BICC1: variants seen among roughly 807,000 people sequenced by gnomAD.
BICC1 encodes the protein protein bicaudal C homolog 1.
In BICC1, 43 loss-of-function variants were observed where a neutral mutation model predicts 111.0. The ratio of observed to expected loss-of-function variants is 0.39; its 90% confidence interval spans 0.30 to 0.50. BICC1 has a LOEUF of 0.50. BICC1 is among the 20% of genes least tolerant of loss of function. BICC1 has a pLI of 0.88. For missense variants in BICC1, 1,091 were observed against 1,203.2 expected (o/e 0.91, Z 1.38); for synonymous variants, 467 against 434.4 (o/e 1.07, Z -0.93).
At chr10:58,801,147 C>T (rs1292781033) in intron 14 of BICC1, 101 bp downstream of exon 14, 1 of 1,037,240 alleles carries the variant, frequency 9.6e-7, no homozygotes, top group Non-Finnish European at 1.3e-6. Flanking sequence ...CATGTTTGAT[C>T]TCATCCATGG....
At chr10:58,760,972 T>C (rs967864502) in intron 3 of BICC1, among the ~76,000 whole-genome samples, 13 of 152,116 alleles carry the variant, frequency 8.5e-5, no homozygotes, top group African/African-American at 3.1e-4. Context: ...TGTTTTCCAT[T>C]GGAAACACCT....
chr10:58,752,241 C>T (rs1842009788), intron 3 of BICC1, among the ~76,000 whole-genome samples: 1 of 152,198 alleles, frequency 6.6e-6, no homozygotes, highest in South Asian at 2.1e-4. Flanking sequence ...GTGGAGTTGA[C>T]CTAAGTATAT....
chr10:58,686,752 C>T (rs1839741887), intron 2 of BICC1, among the ~76,000 whole-genome samples: 1 of 152,136 alleles, frequency 6.6e-6, no homozygotes, highest in African/African-American at 2.4e-5. Context: ...ACTGTTTATT[C>T]TAGTTAGCCA....
Position 58,828,795 on chromosome 10 carries a change from G to A in BICC1, c.2829G>A (p.Ser943=), listed in dbSNP as rs764421544. The change falls in exon 21 of 21, where the codon TCG becomes TCA. Residue 943 remains serine (S), a synonymous_variant. Transcript: ENST00000373886. ...LNKNRRKLFE[S]PNARTSFLEG... ...AAAACCGAAGAAAGCTTTTTGAATC[G>A]CCAAATGCACGCACCTCTTTCCTGG... 53 of 1,613,368 alleles carry A rather than the reference G, an allele frequency of 3.3e-5. 1 individual carries two copies. The South Asian group carries it at 4.3e-4, about 13-fold the overall frequency.
At chr10:58,541,967 TG>T in intron 1 of BICC1, among the ~76,000 whole-genome samples, 1 of 151,826 alleles carries the variant, frequency 6.6e-6, no homozygotes, top group African/African-American at 2.4e-5. Flanking sequence ...CTGGGCAACA[TG>T]GCAAAACCCT....
intron 1 of BICC1, among the ~76,000 whole-genome samples, chr10:58,588,293 G>T (rs560088789): frequency 5.0e-4 from 76 of 152,236 alleles, no homozygotes; most frequent in Non-Finnish European, 9.4e-4. Context: ...ACACATTTGG[G>T]GACAAACACA....
At chr10:58,674,569 G>T (rs1839282276) in intron 2 of BICC1, among the ~76,000 whole-genome samples, 2 of 152,138 alleles carry the variant, frequency 1.3e-5, no homozygotes. Context: ...TTAGATGCAT[G>T]ATTGTACAAA....
intron 10 of BICC1, 65 bp from the exon 11 acceptor site, chr10:58,798,334 G>A (rs527753050): frequency 1.6e-6 from 2 of 1,213,948 alleles, no homozygotes; most frequent in African/African-American, 1.6e-5. Context: ...TGGCAATATT[G>A]GTGCCATCTC....
chr10:58,705,356 G>T (rs1387493234), intron 3 of BICC1, among the ~76,000 whole-genome samples: 1 of 152,140 alleles, frequency 6.6e-6, no homozygotes, highest in Non-Finnish European at 1.5e-5. Context: ...GCCCATCTTG[G>T]CATCTATAGA....
chr10:58,756,841 T>G (rs1163353050), intron 3 of BICC1, among the ~76,000 whole-genome samples: 1 of 152,288 alleles, frequency 6.6e-6, no homozygotes, highest in Non-Finnish European at 1.5e-5. Flanking sequence ...AAGCGATAAC[T>G]TTCTAGTCTC....
rs1050358795 is a variant in BICC1 at position 58,520,714 on chromosome 10, TC to T, written c.190+7386del. ...TTGAAAATTAGCCATTGCTGTTTTTTCCCCCTCGATTTTAAAAGTAATACAA... is the reference window on the plus strand; with the variant it reads ...TTGAAAATTAGCCATTGCTGTTTTTTCCCCTCGATTTTAAAAGTAATACAA... On this transcript the variant is annotated intron_variant, in intron 1 of 20. Transcript: ENST00000373886. Among the ~76,000 whole-genome samples the T allele has an allele frequency of 2.6e-5, 4 of 152,200 alleles. No homozygotes were observed. The South Asian group carries it at 8.3e-4, about 32-fold the overall frequency.
At chr10:58,709,202 C>T (rs1257551904) in intron 3 of BICC1, among the ~76,000 whole-genome samples, 2 of 152,198 alleles carry the variant, frequency 1.3e-5, no homozygotes, top group Non-Finnish European at 2.9e-5. Context: ...CAACCTTTCT[C>T]TATACCACCG....
chr10:58,789,201 C>T (rs1843101275), intron 6 of BICC1, 61 bp from the exon 7 acceptor site: 7 of 1,370,058 alleles, frequency 5.1e-6, no homozygotes, highest in Non-Finnish European at 7.2e-6. Flanking sequence ...ATGAATGATA[C>T]ACATGTCTGA....
intron 3 of BICC1, among the ~76,000 whole-genome samples, chr10:58,737,280 G>A (rs1841500658): frequency 6.6e-6 from 1 of 152,048 alleles, no homozygotes; most frequent in Admixed American, 6.5e-5. Flanking sequence ...CCTGGTGTGT[G>A]ATATTCCCCT....
chr10:58,583,582 C>CTA (rs1191365787), intron 1 of BICC1, among the ~76,000 whole-genome samples: 1 of 69,554 alleles, frequency 1.4e-5, no homozygotes, highest in Admixed American at 1.9e-4. Context: ...TATTCTCTCT[C>CTA]TCTGTGTGTG....
At chr10:58,744,206 C>T (rs1404056518) in intron 3 of BICC1, among the ~76,000 whole-genome samples, 2 of 151,992 alleles carry the variant, frequency 1.3e-5, no homozygotes, top group East Asian at 3.9e-4. Flanking sequence ...AGTATTATTT[C>T]AATTGCTACC....
intron 1 of BICC1, among the ~76,000 whole-genome samples, chr10:58,570,102 A>G (rs1843900209): frequency 6.6e-6 from 1 of 152,188 alleles, no homozygotes. Context: ...TTCTGAGAGT[A>G]TCCCTCAGAT....
Position 58,813,919 on chromosome 10 carries a change from T to C in BICC1, c.2466T>C (p.Ile822=), listed in dbSNP as rs1325819646. 3 of 1,614,056 alleles carry C rather than the reference T, an allele frequency of 1.9e-6. No individual in the cohort carries two copies. Among genetic ancestry groups the C allele is most frequent in the Non-Finnish European group, 2.5e-6 (3 of 1,179,950 alleles). Residue 822 remains isoleucine, a synonymous_variant, in exon 18 of 21, where the codon ATT becomes ATC. Coordinates refer to ENST00000373886, the MANE Select transcript of BICC1 (RefSeq NM_001080512.3). Reference sequence around the variant, plus strand: ...ATAACTGGAGAGACCGAAATGGAATTGGACCTGGAAGTCATAGTGAATTTG... The same window carrying C: ...ATAACTGGAGAGACCGAAATGGAATCGGACCTGGAAGTCATAGTGAATTTG... ...ESDNWRDRNG[I]GPGSHSEFAA...
chr10:58,524,827 A>G (rs908801371), intron 1 of BICC1, among the ~76,000 whole-genome samples: 3 of 152,238 alleles, frequency 2.0e-5, no homozygotes, highest in African/African-American at 7.2e-5. Context: ...CAAAGGGCTA[A>G]TATCCAGAAC....
Sources: allele counts gnomAD v4.1 joint callset (sites outside exome capture counted in the v4.1 genomes callset), GRCh38; gene constraint gnomAD v4.1.1; transcripts MANE v1.5; gene names NCBI Gene and HGNC (gene_info 2026-07-23, HGNC 2026-07-21).